Variants in PAQR3 observed in about 807,000 individuals in gnomAD.
PAQR3 encodes progestin and adipoQ receptor family member 3, also known as Raf kinase trapping to Golgi.
In PAQR3, 39 loss-of-function variants were observed where a neutral mutation model predicts 41.7. That is an observed-to-expected ratio of 0.93 (90% CI 0.72 to 1.22). The LOEUF (loss-of-function observed/expected upper bound fraction) is 1.22. Among genes scored for constraint, PAQR3 ranks in the 50% most tolerant of loss-of-function variants. PAQR3 has a pLI of 0.00. For missense variants in PAQR3, 366 were observed against 385.6 expected (o/e 0.95, Z 0.42); for synonymous variants, 140 against 140.6 (o/e 1.00, Z 0.03).
chr4:78,888,919 TA>T (rs546265170), intron 11 of PAQR3, among the ~76,000 whole-genome samples: 20 of 151,778 alleles, frequency 1.3e-4, no homozygotes, highest in African/African-American at 3.6e-4. Context: ...ACAGTGGCCT[TA>T]AAAAAAATGC....
In PAQR3 at chr4:78,913,320, C is replaced by T. The variant is rs1734768759; in HGVS notation, c.*7219G>A. ...TGATTGTGTCTTTACTGAAAAGAAC[C>T]CAGCTACCAATTTGCCTTTTTTTAC... On this transcript the variant is annotated 3_prime_UTR_variant, in exon 6 of 6. Transcript: ENST00000512733. The T allele has an allele frequency of 6.6e-6, 1 of 152,010 alleles. No homozygotes were observed. Among genetic ancestry groups the T allele is most frequent in the South Asian group, 2.1e-4 (1 of 4,826 alleles). The allele number at this position is 152,010 out of a possible 1,614,324, so 9.4% of individuals were successfully genotyped here. A position where few individuals can be genotyped will look rare whatever the true frequency, so the allele number is the denominator to read the frequency against.
At chr4:78,911,342 T>A (rs759673677), downstream of PAQR3, 11 of 1,613,718 alleles carry the variant, frequency 6.8e-6, no homozygotes, top group Middle Eastern at 1.6e-4. Flanking sequence ...GTAGATGTAT[T>A]TGGCTCCACT....
chr4:78,927,858 T>C (rs1294987083), intron 3 of PAQR3, among the ~76,000 whole-genome samples: 1 of 152,236 alleles, frequency 6.6e-6, no homozygotes, highest in African/African-American at 2.4e-5. Flanking sequence ...AAATCAAATG[T>C]CAGACTGTTT....
chr4:78,911,760 C>G, downstream of PAQR3: 2 of 1,613,986 alleles, frequency 1.2e-6, no homozygotes, highest in East Asian at 4.5e-5. Flanking sequence ...CCTTCGGTGC[C>G]AAGCCCTTCC....
In PAQR3 at chr4:78,917,838, C is replaced by G; in HGVS notation, c.*2701G>C. The G allele has an allele frequency of 1.0e-6, 1 of 985,324 alleles. No individual in the cohort carries two copies. The highest frequency in any genetic ancestry group is 1.2e-6 in the Non-Finnish European group (1 of 829,684). 61.0% of individuals were successfully genotyped at this position (985,324 alleles called of 1,614,324 possible). A position where few individuals can be genotyped will look rare whatever the true frequency, so the allele number is the denominator to read the frequency against. ...TCGGATATTCTGTCCAGGTGGGATG[C>G]CATAAGATGTGACAGACATTCCCTG... On this transcript the variant is annotated 3_prime_UTR_variant, in exon 6 of 6. Coordinates refer to ENST00000512733, the MANE Select transcript of PAQR3 (RefSeq NM_001040202.2).
chr4:78,901,223 T>C (rs1272372799), intron 11 of PAQR3, among the ~76,000 whole-genome samples: 1 of 149,630 alleles, frequency 6.7e-6, no homozygotes, highest in Non-Finnish European at 1.5e-5. Context: ...TTTTATTTTA[T>C]TTTATTATTT....
chr4:78,922,265 CTTAT>C, intron 5 of PAQR3: 10 of 1,242,124 alleles, frequency 8.1e-6, no homozygotes, highest in Non-Finnish European at 9.3e-6. Flanking sequence ...TATTTCCATT[CTTAT>C]TTAAAGCTCA....
At position 78,916,288 on chromosome 4, in the gene PAQR3, T is replaced by G. The variant is rs1214961071; in HGVS notation, c.*4251A>C. The G allele has an allele frequency of 6.6e-6, 1 of 151,990 alleles. No individual in the cohort carries two copies. Among genetic ancestry groups the G allele is most frequent in the Non-Finnish European group, 1.5e-5 (1 of 67,876 alleles). The allele number at this position is 151,990 out of a possible 1,614,324, so 9.4% of individuals were successfully genotyped here. A position where few individuals can be genotyped will look rare whatever the true frequency, so the allele number is the denominator to read the frequency against. On this transcript the variant is annotated 3_prime_UTR_variant, in exon 6 of 6. Transcript: ENST00000512733. ...TGTTTGAAATTTAAAGTTATTTTCTTACTGTATTTATCATACCTGTTTTAA... is the reference window on the plus strand; with the variant it reads ...TGTTTGAAATTTAAAGTTATTTTCTGACTGTATTTATCATACCTGTTTTAA...
At chr4:78,931,422 AAC>A (rs1466519671) in intron 2 of PAQR3, among the ~76,000 whole-genome samples, 1 of 152,076 alleles carries the variant, frequency 6.6e-6, no homozygotes, top group African/African-American at 2.4e-5. Context: ...TAATTTAAAA[AAC>A]AGTGATGACT....
chr4:78,929,402 TG>T (rs1736586303), intron 3 of PAQR3, among the ~76,000 whole-genome samples: 1 of 152,176 alleles, frequency 6.6e-6, no homozygotes, highest in African/African-American at 2.4e-5. Context: ...ACTGAAACCA[TG>T]GGAACATTGA....
exon 12 of PAQR3, chr4:78,888,144 G>A (rs761362185): frequency 6.6e-6 from 1 of 152,138 alleles, no homozygotes; most frequent in Non-Finnish European, 1.5e-5. Context: ...GACTTGTTTG[G>A]TTATCTGGAA....
intron 4 of PAQR3, among the ~76,000 whole-genome samples, chr4:78,924,430 C>T (rs147200834): frequency 6.6e-6 from 1 of 152,106 alleles, no homozygotes; most frequent in Admixed American, 6.6e-5. Context: ...CTGAGAAAAT[C>T]CAGCAAGCTA....
intron 11 of PAQR3, among the ~76,000 whole-genome samples, chr4:78,904,807 A>G (rs961624735): frequency 6.6e-6 from 1 of 151,968 alleles, no homozygotes; most frequent in Non-Finnish European, 1.5e-5. Flanking sequence ...ATTATTAATT[A>G]TGGCTCAATA....
Position 78,939,407 on chromosome 4 carries a change from G to A in PAQR3, c.-183C>T, listed in dbSNP as rs1217454234. ...CACACCGGCCACTGCCGCCAGCGCCGCGGCGGACCCGGCAGCGTCGCAGCC... is the reference window on the plus strand; with the variant it reads ...CACACCGGCCACTGCCGCCAGCGCCACGGCGGACCCGGCAGCGTCGCAGCC... On this transcript the variant is annotated 5_prime_UTR_variant, in exon 1 of 6. Coordinates refer to ENST00000512733, the MANE Select transcript of PAQR3 (RefSeq NM_001040202.2). The A allele has an allele frequency of 6.0e-6, 2 of 333,768 alleles. No individual in the cohort carries two copies. The highest frequency in any genetic ancestry group is 9.8e-6 in the Non-Finnish European group (2 of 203,790). 20.7% of individuals were successfully genotyped at this position (333,768 alleles called of 1,614,324 possible). A position where few individuals can be genotyped will look rare whatever the true frequency, so the allele number is the denominator to read the frequency against.
rs892217297 is a variant in PAQR3, at chr4:78,915,153, T to G, written c.*5386A>C. 1.3e-5 allele frequency: 2 copies of G among 152,022 alleles called. No individual in the cohort carries two copies. Among genetic ancestry groups the G allele is most frequent in the Non-Finnish European group, 2.9e-5 (2 of 67,918 alleles). The allele number at this position is 152,022 out of a possible 1,614,324, so 9.4% of individuals were successfully genotyped here. A position where few individuals can be genotyped will look rare whatever the true frequency, so the allele number is the denominator to read the frequency against. ...CCTTACCCCAATCCCTGTGTACGTG[T>G]TGGGTATAGTTACGACATTATCCGG... On this transcript the variant is annotated 3_prime_UTR_variant, in exon 6 of 6. Coordinates refer to ENST00000512733, the MANE Select transcript of PAQR3 (RefSeq NM_001040202.2).
chr4:78,906,676 C>T (rs1734304029), intron 10 of PAQR3, among the ~76,000 whole-genome samples: 1 of 152,078 alleles, frequency 6.6e-6, no homozygotes, highest in Non-Finnish European at 1.5e-5. Context: ...CTTGCTTCTC[C>T]CTACACTTCT....
At position 78,915,645 on chromosome 4, in the gene PAQR3, G is replaced by A. The variant is rs1260019351; in HGVS notation, c.*4894C>T. Reference sequence around the variant, plus strand: ...TTAAGATAAAAATATGTACACACATGCATGTCACATCTCTCTACTGTGGAG... The same window carrying A: ...TTAAGATAAAAATATGTACACACATACATGTCACATCTCTCTACTGTGGAG... On this transcript the variant is annotated 3_prime_UTR_variant, in exon 6 of 6. Coordinates refer to ENST00000512733, the MANE Select transcript of PAQR3 (RefSeq NM_001040202.2). 6.6e-6 allele frequency: 1 copy of A among 151,808 alleles called. No individual in the cohort carries two copies. The highest frequency in any genetic ancestry group is 1.5e-5 in the Non-Finnish European group (1 of 67,874). The allele number at this position is 151,808 out of a possible 1,614,324, so 9.4% of individuals were successfully genotyped here.
intron 11 of PAQR3, among the ~76,000 whole-genome samples, chr4:78,895,816 C>T (rs1733671969): frequency 6.6e-6 from 1 of 152,084 alleles, no homozygotes; most frequent in Non-Finnish European, 1.5e-5. Flanking sequence ...GGCTGGAGTG[C>T]AGTGGCATGA....
intron 11 of PAQR3, chr4:78,899,176 G>T (rs1733868968): frequency 6.6e-6 from 1 of 152,216 alleles, no homozygotes. Context: ...TATTGCAAAA[G>T]ACTCCATGCT....
Sources: allele counts gnomAD v4.1 joint callset (sites outside exome capture counted in the v4.1 genomes callset), GRCh38; gene constraint gnomAD v4.1.1; transcripts MANE v1.5; gene names NCBI Gene and HGNC (gene_info 2026-07-23, HGNC 2026-07-21).